The following DPP10 variants were observed in gnomAD, a reference collection of about 807,000 sequenced individuals.
The protein encoded by DPP10 is inactive dipeptidyl peptidase 10.
A neutral mutation model predicts 120.9 loss-of-function variants in DPP10; 33 were observed. The ratio of observed to expected loss-of-function variants is 0.27; its 90% CI spans 0.21 to 0.37. The LOEUF is 0.37. Among genes scored for constraint, DPP10 ranks in the 10% least tolerant of loss-of-function variants. The pLI is 1.00. For synonymous variants in DPP10, 337 were observed against 326.1 expected (o/e 1.03, Z -0.36); for missense variants, 816 against 942.8 (o/e 0.87, Z 1.76).
chr2:114,620,641 T>C (rs1267285855), intron 1 of DPP10, among the ~76,000 whole-genome samples: 1 of 152,018 alleles, frequency 6.6e-6, no homozygotes, highest in Non-Finnish European at 1.5e-5. Flanking sequence ...ATCTATTTGG[T>C]TTTACGTATT....
At chr2:115,608,251 A>G (rs538235961) in intron 5 of DPP10, among the ~76,000 whole-genome samples, 2 of 152,112 alleles carry the variant, frequency 1.3e-5, no homozygotes, top group South Asian at 2.1e-4. Flanking sequence ...TTAGACAGGC[A>G]TGGTGGTGTG....
chr2:115,552,877 A>G (rs1312877914), intron 5 of DPP10, among the ~76,000 whole-genome samples: 5 of 152,058 alleles, frequency 3.3e-5, no homozygotes, highest in Non-Finnish European at 7.4e-5. Context: ...GTTATTCTTC[A>G]TTCTTTGATT....
At chr2:115,705,113 C>G (rs1193267529) in intron 7 of DPP10, among the ~76,000 whole-genome samples, 2 of 151,876 alleles carry the variant, frequency 1.3e-5, no homozygotes, top group East Asian at 3.9e-4. Flanking sequence ...AAATTATGAG[C>G]AATGGTTTAG....
At chr2:114,497,386 CATACACATACATATACAT>C (rs1395117038) in intron 1 of DPP10, among the ~76,000 whole-genome samples, 2 of 134,350 alleles carry the variant, frequency 1.5e-5, no homozygotes, top group Non-Finnish European at 3.1e-5. Context: ...TATACATATA[CATACACATACATATACAT>C]ATACACATAC....
At chr2:115,644,150 C>A (rs1240841660) in intron 5 of DPP10, among the ~76,000 whole-genome samples, 1 of 151,684 alleles carries the variant, frequency 6.6e-6, no homozygotes, top group African/African-American at 2.4e-5. Context: ...ATAATAGTTT[C>A]TTTTTTTAAA....
intron 5 of DPP10, among the ~76,000 whole-genome samples, chr2:115,617,025 C>G (rs1393514861): frequency 6.7e-6 from 1 of 149,846 alleles, no homozygotes; most frequent in Non-Finnish European, 1.5e-5. Flanking sequence ...TTTACATGTC[C>G]CCATGTTAAA....
chr2:114,864,970 A>G (rs1188966353), intron 1 of DPP10, among the ~76,000 whole-genome samples: 1 of 152,248 alleles, frequency 6.6e-6, no homozygotes, highest in African/African-American at 2.4e-5. Context: ...CTAATAGGAC[A>G]GGTCATTCTA....
chr2:115,499,398 G>C (rs2076564845), intron 3 of DPP10, 112 bp from the exon 4 acceptor site: 1 of 809,858 alleles, frequency 1.2e-6, no homozygotes. Flanking sequence ...GTTATTGAAG[G>C]CTAAAAATGA....
chr2:115,607,329 T>G (rs1289002645), intron 5 of DPP10, among the ~76,000 whole-genome samples: 1 of 152,112 alleles, frequency 6.6e-6, no homozygotes, highest in African/African-American at 2.4e-5. Context: ...CAAGATAAAT[T>G]TAACATAGAT....
At chr2:115,381,604 G>A (rs538800972) in intron 3 of DPP10, among the ~76,000 whole-genome samples, 21 of 152,290 alleles carry the variant, frequency 1.4e-4, no homozygotes, top group East Asian at 1.4e-3. Context: ...GAGGAACTGC[G>A]TTCCTTTGGA....
intron 19 of DPP10, among the ~76,000 whole-genome samples, chr2:115,798,666 A>G (rs915956760): frequency 6.6e-6 from 1 of 152,124 alleles, no homozygotes; most frequent in Non-Finnish European, 1.5e-5. Context: ...CAGGGCTTCT[A>G]GGAGATATAA....
At chr2:115,243,287 G>A (rs2105589018) in intron 1 of DPP10, among the ~76,000 whole-genome samples, 1 of 152,134 alleles carries the variant, frequency 6.6e-6, no homozygotes, top group South Asian at 2.1e-4. Flanking sequence ...TGATTTCGAT[G>A]GGCCCATTAA....
At chr2:114,534,153 G>T (rs1019524687) in intron 1 of DPP10, among the ~76,000 whole-genome samples, 3 of 152,014 alleles carry the variant, frequency 2.0e-5, no homozygotes, top group Non-Finnish European at 4.4e-5. Flanking sequence ...AAAATGATGG[G>T]AATATTTTTC....
At chr2:114,883,179 A>G (rs137920637) in intron 1 of DPP10, among the ~76,000 whole-genome samples, 61 of 152,316 alleles carry the variant, frequency 4.0e-4, no homozygotes, top group Non-Finnish European at 7.9e-4. Context: ...TAGCTAGGCC[A>G]GTAGCTACTA....
intron 1 of DPP10, among the ~76,000 whole-genome samples, chr2:115,284,429 A>C (rs1002614131): frequency 1.3e-5 from 2 of 151,994 alleles, no homozygotes; most frequent in African/African-American, 4.8e-5. Context: ...AGCTTCAGTA[A>C]GTCAAAACAT....
rs1400626880 is a variant in DPP10, at chr2:114,969,331, A to G, written c.61-339908A>G. ...GGAAGACTACTTGTTTTGGAAGAGC[A>G]TTACTAAGTTTACAAAGGAATTTAC... On this transcript the variant is annotated intron_variant, in intron 1 of 25. Transcript: ENST00000410059. Among the ~76,000 whole-genome samples, 4 of 152,230 alleles carry G rather than the reference A, an allele frequency of 2.6e-5. No individual in the cohort carries two copies. In the East Asian group the frequency reaches 5.8e-4, roughly 22 times the overall value.
At chr2:115,595,004 C>T (rs1396231399) in intron 5 of DPP10, among the ~76,000 whole-genome samples, 1 of 151,790 alleles carries the variant, frequency 6.6e-6, no homozygotes, top group Non-Finnish European at 1.5e-5. Flanking sequence ...TTTAACATAC[C>T]AAATAAGCTG....
chr2:115,600,473 T>C (rs1312180945), intron 5 of DPP10, among the ~76,000 whole-genome samples: 2 of 152,240 alleles, frequency 1.3e-5, no homozygotes, highest in Admixed American at 1.3e-4. Context: ...TTTATTTACA[T>C]ATCAACTTAA....
At chr2:114,736,600 T>G (rs1158157374) in intron 1 of DPP10, among the ~76,000 whole-genome samples, 2 of 152,244 alleles carry the variant, frequency 1.3e-5, no homozygotes, top group African/African-American at 4.8e-5. Flanking sequence ...TAGTAAATTT[T>G]CTGAAAATAG....
Sources: gnomAD v4.1 joint callset for allele counts (sites outside exome capture counted in the v4.1 genomes callset) on GRCh38, gnomAD v4.1.1 for gene constraint, MANE v1.5 for transcripts, NCBI Gene and HGNC (gene_info 2026-07-23, HGNC 2026-07-21) for gene names.